PANX1: variants seen among roughly 807,000 people sequenced by gnomAD.
The protein encoded by PANX1 is pannexin-1.
Under a neutral mutation model 38.7 loss-of-function variants are expected in PANX1, and 30 were observed. That is an observed-to-expected ratio of 0.78 (90% CI 0.58 to 1.05). PANX1 has a LOEUF of 1.05. Among genes scored for constraint, PANX1 ranks in the 50% least tolerant of loss-of-function variants. The probability of loss-of-function intolerance (pLI) is 0.00; values close to 1 mark genes in which losing one functional copy is unlikely to be tolerated. For synonymous variants in PANX1, 230 were observed against 212.2 expected, an observed-to-expected ratio of 1.08 and a Z score of -0.73; for missense variants, 551 against 517.2, an observed-to-expected ratio of 1.07 and a Z score of -0.63.
At position 94,129,201 on chromosome 11, in the gene PANX1, A is replaced by G; in HGVS notation, c.-112A>G. ...AGGCAGGCGGGATGCGGGAGCAGGC[A>G]AAGGGAAAGCGAAAGCCGCGCGCCC... On this transcript the variant is annotated 5_prime_UTR_variant, in exon 1 of 5. Transcript: ENST00000227638. 5 of 852,004 alleles carry G rather than the reference A, an allele frequency of 5.9e-6. No homozygotes were observed. The South Asian group carries it at 7.3e-5, about 12-fold the overall frequency. The allele number at this position is 852,004 out of a possible 1,614,324, so 52.8% of individuals were successfully genotyped here. A position where few individuals can be genotyped will look rare whatever the true frequency, so the allele number is the denominator to read the frequency against.
chr11:94,156,972 C>T (rs533540307), intron 2 of PANX1, among the ~76,000 whole-genome samples: 29 of 151,748 alleles, frequency 1.9e-4, no homozygotes, highest in Non-Finnish European at 2.2e-4. Context: ...CAAGAACATG[C>T]GGTGTTTGGT....
rs372709300 is a variant in PANX1, at chr11:94,165,379, G to T, written c.321+11749G>T. On this transcript the variant is annotated intron_variant, in intron 2 of 4. Transcript: ENST00000227638. ...ATTATTATTATACTTTAAGTTTTAG[G>T]GTACATGTGCACAACGTGCAGGTTT... Among the ~76,000 whole-genome samples the T allele has an allele frequency of 2.1e-4, 31 of 149,718 alleles. No homozygotes were observed. The East Asian group carries it at 4.7e-3, about 23-fold the overall frequency.
intron 2 of PANX1, among the ~76,000 whole-genome samples, chr11:94,173,776 C>T (rs925141673): frequency 6.6e-6 from 1 of 151,722 alleles, no homozygotes; most frequent in African/African-American, 2.4e-5. Context: ...TTGCCCTCTA[C>T]CAGTGGTACC....
chr11:94,151,576 G>A (rs754035888), intron 1 of PANX1, among the ~76,000 whole-genome samples: 2 of 152,158 alleles, frequency 1.3e-5, no homozygotes, highest in African/African-American at 2.4e-5. Context: ...GTCCCCTTAG[G>A]TATTTACTGT....
At position 94,179,644 on chromosome 11, in the gene PANX1, G is replaced by A. The variant is rs1224232127; in HGVS notation, c.588G>A (p.Val196=). 1 of 1,613,314 alleles carries A rather than the reference G, an allele frequency of 6.2e-7. No individual in the cohort carries two copies. The highest frequency in any genetic ancestry group is 8.5e-7 in the Non-Finnish European group (1 of 1,179,540). The change falls in exon 4 of 5, where the codon GTG becomes GTA. Residue 196 remains valine, a synonymous_variant. Transcript: ENST00000227638. ...AAAGCCACTTCAAGTACCCAATTGT[G>A]GAGCAGTACTTGAAGACAAAGAAAA... ...VSESHFKYPI[V]EQYLKTKKNS...
rs528119071 is a variant in PANX1 at position 94,175,640 on chromosome 11, G to A, written c.322-2729G>A. The stretch of plus-strand genomic sequence containing the variant: ...TTCCCAGATAGAATGCCTGGCTTTC[G>A]TGGTTATGGAAGCAGCAGAAACTCT... On this transcript the variant is annotated intron_variant, in intron 2 of 4. Coordinates refer to ENST00000227638, the MANE Select transcript of PANX1 (RefSeq NM_015368.4). 30 of 609,582 alleles carry A rather than the reference G, an allele frequency of 4.9e-5. 2 individuals carry two copies. In the African/African-American group the frequency reaches 5.1e-4, roughly 10 times the overall value. 37.8% of individuals were successfully genotyped at this position (609,582 alleles called of 1,614,324 possible).
At chr11:94,166,100 T>C (rs551760719) in intron 2 of PANX1, among the ~76,000 whole-genome samples, 39 of 152,304 alleles carry the variant, frequency 2.6e-4, no homozygotes, top group African/African-American at 8.9e-4. Context: ...TTTATATCTT[T>C]TTATATTGTG....
chr11:94,140,585 G>A (rs1457641699), intron 1 of PANX1, among the ~76,000 whole-genome samples: 1 of 152,088 alleles, frequency 6.6e-6, no homozygotes, highest in Non-Finnish European at 1.5e-5. Context: ...GTCTGTTTAT[G>A]GGCTAGTATG....
At position 94,165,147 on chromosome 11, in the gene PANX1, G is replaced by T. The variant is rs547948720; in HGVS notation, c.321+11517G>T. Among the ~76,000 whole-genome samples, 3 of 152,066 alleles carry T rather than the reference G, an allele frequency of 2.0e-5. No homozygotes were observed. In the South Asian group the frequency reaches 6.2e-4, roughly 32 times the overall value. On this transcript the variant is annotated intron_variant, in intron 2 of 4. Coordinates refer to ENST00000227638, the MANE Select transcript of PANX1 (RefSeq NM_015368.4). ...CAGTGAGCCATTCTTTCTCTTGATT[G>T]AAGAATTTAGTTCATTTACATTCAA...
chr11:94,154,013 G>C (rs1034850356), intron 2 of PANX1, among the ~76,000 whole-genome samples: 9 of 152,200 alleles, frequency 5.9e-5, no homozygotes, highest in Non-Finnish European at 1.2e-4. Context: ...TTCTCAGCTA[G>C]CACCTTTTCT....
At position 94,179,964 on chromosome 11, in the gene PANX1, CAG is replaced by C; in HGVS notation, c.910_911del (p.Asp304CysfsTer12). On this transcript the variant is annotated frameshift_variant, in exon 4 of 5. Coordinates refer to ENST00000227638, the MANE Select transcript of PANX1 (RefSeq NM_015368.4). LOFTEE classifies it high-confidence loss of function. Reference sequence around the variant, plus strand: ...CTGTTTGTTCCATTCCGACAGAAGACAGATGTTCTCAAAGTGTACGAAATCCT... The same window carrying C: ...CTGTTTGTTCCATTCCGACAGAAGACATGTTCTCAAAGTGTACGAAATCCT... 1 of 1,598,696 alleles carries C rather than the reference CAG, an allele frequency of 6.3e-7. No homozygotes were observed. The highest frequency in any genetic ancestry group is 8.5e-7 in the Non-Finnish European group (1 of 1,170,042).
intron 1 of PANX1, among the ~76,000 whole-genome samples, chr11:94,139,896 A>G (rs142816230): frequency 1.2e-4 from 19 of 152,326 alleles, no homozygotes; most frequent in Non-Finnish European, 2.1e-4. Context: ...TAAATTGCCA[A>G]TAGTAAGTAA....
intron 1 of PANX1, among the ~76,000 whole-genome samples, chr11:94,130,952 T>A (rs1000622795): frequency 1.3e-5 from 2 of 152,228 alleles, no homozygotes. Flanking sequence ...TTAGTTTTCC[T>A]GCTCTTTGCG....
chr11:94,149,309 T>C (rs1459464870), intron 1 of PANX1, among the ~76,000 whole-genome samples: 1 of 152,132 alleles, frequency 6.6e-6, no homozygotes. Context: ...TACTTTCTAA[T>C]CATTTATAGG....
chr11:94,149,530 A>G (rs529535265), intron 1 of PANX1, among the ~76,000 whole-genome samples: 2 of 152,258 alleles, frequency 1.3e-5, no homozygotes, highest in East Asian at 1.9e-4. Context: ...CTGTTATTAT[A>G]TTTGGCCAGA....
chr11:94,160,906 T>C (rs925880343), intron 2 of PANX1, among the ~76,000 whole-genome samples: 14 of 152,226 alleles, frequency 9.2e-5, no homozygotes, highest in Non-Finnish European at 1.9e-4. Context: ...AGGAGCTCTT[T>C]TAGGGCAGGC....
intron 2 of PANX1, among the ~76,000 whole-genome samples, chr11:94,162,187 G>A (rs189646083): frequency 2.9e-4 from 44 of 152,336 alleles, no homozygotes; most frequent in African/African-American, 1.0e-3. Context: ...TGAGGAGGCA[G>A]TCTGTCCATT....
At chr11:94,148,460 C>T (rs369117149) in intron 1 of PANX1, among the ~76,000 whole-genome samples, 7 of 152,190 alleles carry the variant, frequency 4.6e-5, no homozygotes, top group South Asian at 2.1e-4. Context: ...CTGTTTCATC[C>T]TTCTGAGTGC....
At chr11:94,166,016 AAAAC>A (rs1947098359) in intron 2 of PANX1, among the ~76,000 whole-genome samples, 2 of 152,174 alleles carry the variant, frequency 1.3e-5, no homozygotes, top group South Asian at 4.1e-4. Flanking sequence ...TGAAAATAAA[AAAAC>A]AAGCCAAAAG....
Sources: gnomAD v4.1 joint callset for allele counts (sites outside exome capture counted in the v4.1 genomes callset) on GRCh38, gnomAD v4.1.1 for gene constraint, MANE v1.5 for transcripts, NCBI Gene and HGNC (gene_info 2026-07-23, HGNC 2026-07-21) for gene names.